PPP2R1A: variants seen among roughly 807,000 people sequenced by gnomAD.
PPP2R1A encodes the protein protein phosphatase 2 scaffold subunit Aalpha, also known as serine/threonine-protein phosphatase 2A 65 kDa regulatory subunit A alpha isoform.
PPP2R1A carries 15 observed loss-of-function variants against 67.1 expected under a neutral mutation model. The ratio of observed to expected loss-of-function variants is 0.22; its 90% CI spans 0.15 to 0.34. The LOEUF (loss-of-function observed/expected upper bound fraction) is 0.34, where lower values mean the gene tolerates loss of function less well. Ranked by LOEUF, PPP2R1A falls within the 10% of genes least tolerant of loss-of-function variation. The probability of loss-of-function intolerance (pLI) is 1.00; values close to 1 mark genes in which losing one functional copy is unlikely to be tolerated. For synonymous variants in PPP2R1A, 337 were observed against 325.0 expected (o/e 1.04, Z -0.40); for missense variants, 369 against 775.0 (o/e 0.48, Z 6.22).
chr19:52,208,535 T>C (rs1429880406), intron 3 of PPP2R1A, among the ~76,000 whole-genome samples: 1 of 152,022 alleles, frequency 6.6e-6, no homozygotes, highest in Non-Finnish European at 1.5e-5. Flanking sequence ...AGTCTCGCTC[T>C]GTCACCCAGG....
Position 52,217,647 on chromosome 19 carries a change from C to T in PPP2R1A, c.1128+984C>T, listed in dbSNP as rs540373063. ...TAGGCTAAGGTGCTCTAATATAGAC[C>T]CCAGAATACATTCTGGCTTAAATTC... On this transcript the variant is annotated intron_variant, in intron 9 of 14. Coordinates refer to ENST00000322088, the MANE Select transcript of PPP2R1A (RefSeq NM_014225.6). 2.6e-5 allele frequency among the ~76,000 whole-genome samples: 4 copies of T among 152,074 alleles called. No individual in the cohort carries two copies. The South Asian group carries it at 8.3e-4, about 32-fold the overall frequency.
intron 2 of PPP2R1A, among the ~76,000 whole-genome samples, chr19:52,202,885 C>T (rs1170397069): frequency 6.6e-6 from 1 of 152,184 alleles, no homozygotes; most frequent in Non-Finnish European, 1.5e-5. Context: ...GTACGTGCCG[C>T]CTAAGCGATA....
chr19:52,204,958 G>C (rs549106986), intron 2 of PPP2R1A, among the ~76,000 whole-genome samples: 12 of 152,340 alleles, frequency 7.9e-5, no homozygotes, highest in African/African-American at 2.9e-4. Flanking sequence ...AGTAAAGCAA[G>C]ATTTGAACCT....
At position 52,219,216 on chromosome 19, in the gene PPP2R1A, A is replaced by T. The variant is rs1978769383; in HGVS notation, c.1129-475A>T. ...AGGGTTTCAACAGCCCAAGCCTGCCAGGCTTGTTCACTTGGTTATTGATTC... is the reference window on the plus strand; with the variant it reads ...AGGGTTTCAACAGCCCAAGCCTGCCTGGCTTGTTCACTTGGTTATTGATTC... On this transcript the variant is annotated intron_variant, in intron 9 of 14. Transcript: ENST00000322088. The surrounding 1 kb of genome is among the most constrained non-coding windows in gnomAD (Gnocchi z 4.0). Among the ~76,000 whole-genome samples, 1 of 152,208 alleles carries T rather than the reference A, an allele frequency of 6.6e-6. No homozygotes were observed. The highest frequency in any genetic ancestry group is 1.5e-5 in the Non-Finnish European group (1 of 68,048).
chr19:52,211,193 G>A lies in PPP2R1A; in HGVS notation c.271-67G>A. 6.7e-7 allele frequency: 1 copy of A among 1,484,944 alleles called. No individual in the cohort carries two copies. The highest frequency in any genetic ancestry group is 9.2e-7 in the Non-Finnish European group (1 of 1,083,844). The allele number at this position is 1,484,944 out of a possible 1,614,324, so 92.0% of individuals were successfully genotyped here. A position where few individuals can be genotyped will look rare whatever the true frequency, so the allele number is the denominator to read the frequency against. ...GGAGATGAGCCCATGATGGGGTGCA[G>A]GATGGGGCTCCAGGGCTGCGGATGG... On this transcript the variant is annotated intron_variant, in intron 3 of 14. Transcript: ENST00000322088. This position sits in a 1 kb window ranked among gnomAD's most constrained non-coding sequence, Gnocchi z 5.3.
chr19:52,226,070 C>T lies in PPP2R1A; in HGVS notation c.*89C>T. ...TGGGGAGACACTGGGGGGCCTTTGG[C>T]TGTCACTCCCTGTGCATGGTCTGAC... On this transcript the variant is annotated 3_prime_UTR_variant, in exon 15 of 15. Coordinates refer to ENST00000322088, the MANE Select transcript of PPP2R1A (RefSeq NM_014225.6). 6.3e-7 allele frequency: 1 copy of T among 1,581,714 alleles called. No homozygotes were observed. Among genetic ancestry groups the T allele is most frequent in the Non-Finnish European group, 8.7e-7 (1 of 1,151,528 alleles).
Position 52,213,883 on chromosome 19 carries a change from C to T in PPP2R1A, c.807+773C>T, listed in dbSNP as rs984396808. Among the ~76,000 whole-genome samples the T allele has an allele frequency of 1.6e-4, 24 of 152,114 alleles. No individual in the cohort carries two copies. The highest frequency in any genetic ancestry group is 5.6e-4 in the African/African-American group (23 of 41,422). ...GACTCTCAGGACAGTGCTCCTTCCA[C>T]AGGGATCCAGATTGCCTCATCCCAC... is the stretch of plus-strand genomic sequence containing the variant. On this transcript the variant is annotated intron_variant, in intron 6 of 14. Transcript: ENST00000322088. The surrounding 1 kb of genome is among the most constrained non-coding windows in gnomAD (Gnocchi z 4.2).
At chr19:52,195,079 G>C (rs1460259720) in intron 1 of PPP2R1A, among the ~76,000 whole-genome samples, 3 of 152,162 alleles carry the variant, frequency 2.0e-5, no homozygotes, top group African/African-American at 7.2e-5. Context: ...GAATGTGCAG[G>C]GAAAACATAC....
intron 1 of PPP2R1A, among the ~76,000 whole-genome samples, chr19:52,193,264 G>A (rs911373152): frequency 7.2e-5 from 11 of 152,222 alleles, no homozygotes; most frequent in African/African-American, 2.7e-4. Context: ...GGGACACACG[G>A]TTGCTGATTA....
intron 12 of PPP2R1A, 22 bp from the exon 13 acceptor site, chr19:52,222,077 C>T: frequency 5.7e-6 from 9 of 1,590,300 alleles, no homozygotes; most frequent in Non-Finnish European, 7.7e-6. Context: ...CATACTCACC[C>T]CTGCCACTCA....
chr19:52,209,815 G>GTTGTAGC (rs1265409207), intron 3 of PPP2R1A, among the ~76,000 whole-genome samples: 1 of 152,226 alleles, frequency 6.6e-6, no homozygotes, highest in Admixed American at 6.5e-5. Context: ...GTTCATCCAT[G>GTTGTAGC]TTGTAGCATG....
intron 1 of PPP2R1A, among the ~76,000 whole-genome samples, chr19:52,194,702 G>C (rs970685424): frequency 1.3e-5 from 2 of 152,198 alleles, no homozygotes; most frequent in Admixed American, 6.5e-5. Flanking sequence ...TGTGCTCTCT[G>C]TGTGCCCCTG....
intron 2 of PPP2R1A, among the ~76,000 whole-genome samples, chr19:52,205,664 G>A (rs1404319373): frequency 1.3e-5 from 2 of 152,186 alleles, no homozygotes; most frequent in South Asian, 2.1e-4. Context: ...TTGCTACGAG[G>A]GAGGGATGGT....
chr19:52,190,306 A>G, intron 1 of PPP2R1A, 132 bp downstream of exon 1: 1 of 1,089,768 alleles, frequency 9.2e-7, no homozygotes, highest in Non-Finnish European at 1.3e-6. Context: ...TGCGTCTCTT[A>G]TCTCCCCGGT....
chr19:52,221,121 C>T lies in PPP2R1A; in HGVS notation c.1506C>T (p.Leu502=), dbSNP rs751497921. 8 of 1,614,064 alleles carry T rather than the reference C, an allele frequency of 5.0e-6. No homozygotes were observed. Among genetic ancestry groups the T allele is most frequent in the Non-Finnish European group, 5.9e-6 (7 of 1,180,008 alleles). ...DPNYLHRMTT[L]FCINVLSEVC... ...ACTACCTGCACCGCATGACTACGCT[C>T]TTCTGCATCAATGTGAGCCTTCCAC... The change falls in exon 12 of 15, where the codon CTC becomes CTT. Residue 502 remains leucine, a synonymous_variant. Coordinates refer to ENST00000322088, the MANE Select transcript of PPP2R1A (RefSeq NM_014225.6).
intron 3 of PPP2R1A, among the ~76,000 whole-genome samples, chr19:52,208,399 C>T (rs2089628731): frequency 6.6e-6 from 1 of 152,256 alleles, no homozygotes; most frequent in South Asian, 2.1e-4. Flanking sequence ...GGAATCCTGA[C>T]CTCAGGTGAT....
At chr19:52,210,392 AAC>A (rs1414344513) in intron 3 of PPP2R1A, among the ~76,000 whole-genome samples, 2 of 152,024 alleles carry the variant, frequency 1.3e-5, no homozygotes, top group Admixed American at 6.5e-5. Context: ...AGCTGTGTGT[AAC>A]TGTTCATGGG....
At chr19:52,221,960 A>G in intron 12 of PPP2R1A, 139 bp from the exon 13 acceptor site, 1 of 778,686 alleles carries the variant, frequency 1.3e-6, no homozygotes, top group East Asian at 2.9e-5. Flanking sequence ...TGGGAGATTC[A>G]CTCCACTAAC....
intron 1 of PPP2R1A, among the ~76,000 whole-genome samples, chr19:52,191,569 A>G (rs981355532): frequency 6.6e-6 from 1 of 152,026 alleles, no homozygotes; most frequent in African/African-American, 2.4e-5. Context: ...CTGGTATATC[A>G]CTGTTTCTGG....
Sources: allele counts gnomAD v4.1 joint callset (sites outside exome capture counted in the v4.1 genomes callset), GRCh38; gene constraint gnomAD v4.1.1; non-coding constraint Gnocchi (gnomAD v3.1); transcripts MANE v1.5; gene names NCBI Gene and HGNC (gene_info 2026-07-23, HGNC 2026-07-21).